The following ZNF804B variants were observed in gnomAD, a reference collection of about 807,000 sequenced individuals.
The protein encoded by ZNF804B is zinc finger 804B.
Under a neutral mutation model 101.4 loss-of-function variants are expected in ZNF804B, and 80 were observed. That is an observed-to-expected ratio of 0.79 (90% confidence interval 0.66 to 0.95). The LOEUF (loss-of-function observed/expected upper bound fraction) is 0.95. Among genes scored for constraint, ZNF804B ranks in the 40% least tolerant of loss-of-function variants. The probability of loss-of-function intolerance (pLI) is 0.00; values close to 1 mark genes in which losing one functional copy is unlikely to be tolerated. For synonymous variants in ZNF804B, 622 were observed against 558.8 expected (o/e 1.11, Z -1.59); for missense variants, 1,673 against 1,561.9 (o/e 1.07, Z -1.20).
At chr7:88,900,833 T>C (rs1451733381) in intron 1 of ZNF804B, among the ~76,000 whole-genome samples, 1 of 151,632 alleles carries the variant, frequency 6.6e-6, no homozygotes, top group South Asian at 2.1e-4. Context: ...TGTTATTGAA[T>C]TGACCCACGG....
intron 1 of ZNF804B, among the ~76,000 whole-genome samples, chr7:89,021,041 G>T (rs916651): frequency 0.72 from 109,271 of 151,962 alleles, 39,927 homozygotes; most frequent in African/African-American, 0.86. Context: ...TAATATCTGA[G>T]GCATCCCTAC....
intron 1 of ZNF804B, among the ~76,000 whole-genome samples, chr7:88,789,863 G>C (rs1261056064): frequency 6.6e-6 from 1 of 152,062 alleles, no homozygotes; most frequent in African/African-American, 2.4e-5. Flanking sequence ...AATTCTATTT[G>C]TATTAAGCAA....
chr7:89,229,093 C>G (rs908890865), intron 2 of ZNF804B, among the ~76,000 whole-genome samples: 7 of 152,336 alleles, frequency 4.6e-5, no homozygotes, highest in African/African-American at 1.7e-4. Context: ...AGACCCGGTT[C>G]CCGCCCGCGC....
At chr7:88,981,124 G>C (rs901360969) in intron 1 of ZNF804B, among the ~76,000 whole-genome samples, 2 of 152,058 alleles carry the variant, frequency 1.3e-5, no homozygotes, top group Admixed American at 6.6e-5. Flanking sequence ...CCTGAAGCCA[G>C]CATGGTGCTG....
chr7:88,997,843 A>G (rs1220614115), intron 1 of ZNF804B, among the ~76,000 whole-genome samples: 5 of 152,072 alleles, frequency 3.3e-5, no homozygotes, highest in African/African-American at 9.7e-5. Context: ...TTGAAATGCC[A>G]TTTTGCCATT....
At chr7:88,868,661 C>T (rs1195831601) in intron 1 of ZNF804B, among the ~76,000 whole-genome samples, 1 of 152,192 alleles carries the variant, frequency 6.6e-6, no homozygotes, top group Admixed American at 6.5e-5. Context: ...GGACCCAAGA[C>T]CTTTTTATTC....
rs368451338 is a variant in ZNF804B, at chr7:89,309,933, T to A, written c.250-17411T>A. On this transcript the variant is annotated intron_variant, in intron 2 of 3. Transcript: ENST00000333190. The stretch of plus-strand genomic sequence containing the variant: ...TCTCTCTCCTCACGGACAAAACACA[T>A]ATTTATTTTGAGGGATGGCCATATA... 1.9e-4 allele frequency among the ~76,000 whole-genome samples: 29 copies of A among 151,944 alleles called. 1 individual carries two copies. The South Asian group carries it at 6.1e-3, about 32-fold the overall frequency.
chr7:89,123,157 C>CT (rs61180790), intron 1 of ZNF804B, among the ~76,000 whole-genome samples: 3,145 of 147,136 alleles, frequency 0.021, 106 homozygotes, highest in African/African-American at 0.073. Context: ...CCAAGTTCAG[C>CT]TTTTTTTTTT....
At chr7:89,136,791 A>G (rs1271624320) in intron 1 of ZNF804B, among the ~76,000 whole-genome samples, 2 of 151,132 alleles carry the variant, frequency 1.3e-5, no homozygotes, top group East Asian at 3.9e-4. Flanking sequence ...TGATTTGGCT[A>G]TGTCCCCACC....
intron 2 of ZNF804B, among the ~76,000 whole-genome samples, chr7:89,313,112 T>C (rs751652908): frequency 2.0e-5 from 3 of 152,310 alleles, no homozygotes; most frequent in Non-Finnish European, 4.4e-5. Context: ...ATGTCCAGGA[T>C]TCTGCATAAA....
chr7:89,155,716 A>G (rs939046079), intron 1 of ZNF804B, among the ~76,000 whole-genome samples: 12 of 152,196 alleles, frequency 7.9e-5, no homozygotes, highest in Admixed American at 5.9e-4. Flanking sequence ...TTTTCGGAAG[A>G]TAACAAACTC....
At chr7:89,026,940 G>A (rs1014566193) in intron 1 of ZNF804B, among the ~76,000 whole-genome samples, 27 of 152,252 alleles carry the variant, frequency 1.8e-4, no homozygotes, top group African/African-American at 6.3e-4. Context: ...GATATTCTAA[G>A]AAAGTGGATA....
chr7:89,099,869 TAAC>T lies in ZNF804B; in HGVS notation c.109-118280_109-118278del, dbSNP rs144576966. ...GGTGACAGTGAGGACTGGACTGAAC[TAAC>T]AACAAGAGTGACTTCATGTTGATAC... On this transcript the variant is annotated intron_variant, in intron 1 of 3. Coordinates refer to ENST00000333190, the MANE Select transcript of ZNF804B (RefSeq NM_181646.5). Among the ~76,000 whole-genome samples, 436 of 152,252 alleles carry T rather than the reference TAAC, an allele frequency of 2.9e-3. 2 individuals are homozygous for T. Among genetic ancestry groups the T allele is most frequent in the East Asian group, 0.022 (112 of 5,176 alleles).
intron 1 of ZNF804B, among the ~76,000 whole-genome samples, chr7:88,853,842 G>T (rs1308655662): frequency 6.6e-6 from 1 of 151,966 alleles, no homozygotes; most frequent in Non-Finnish European, 1.5e-5. Flanking sequence ...AATAGATTAT[G>T]CTTACTTAAT....
rs144940066 is a variant in ZNF804B at position 88,864,161 on chromosome 7, T to C, written c.108+104077T>C. 7.0e-3 allele frequency among the ~76,000 whole-genome samples: 1,062 copies of C among 152,296 alleles called. 13 individuals carry two copies. The highest frequency in any genetic ancestry group is 0.024 in the African/African-American group (995 of 41,560). On this transcript the variant is annotated intron_variant, in intron 1 of 3. Transcript: ENST00000333190. ...CATGTGGAACATTTTCTCGTATTTG[T>C]TTGTTTTTATACCTCTCACTTCTAA...
In ZNF804B at chr7:89,327,412, A is replaced by T; in HGVS notation, c.318A>T (p.Lys106Asn). ...CTTCTAAGTCATGGAAAGATGAGAA[A>T]AAACAAGAAAAAGCACTTAAACGAC... ...NVASKSWKDE[K>N]KQEKALKRLH... The change falls in exon 3 of 4, where the codon AAA becomes AAT. Residue 106 changes from lysine (K) to asparagine (N), a missense_variant. Physicochemically the swap from Lys to Asn is moderately conservative, Grantham distance 94. Coordinates refer to ENST00000333190, the MANE Select transcript of ZNF804B (RefSeq NM_181646.5). The T allele has an allele frequency of 6.2e-7, 1 of 1,611,746 alleles. No homozygotes were observed. Among genetic ancestry groups the T allele is most frequent in the Non-Finnish European group, 8.5e-7 (1 of 1,178,660 alleles).
At chr7:89,314,968 T>G (rs2115954460) in intron 2 of ZNF804B, among the ~76,000 whole-genome samples, 2 of 152,278 alleles carry the variant, frequency 1.3e-5, no homozygotes, top group South Asian at 4.1e-4. Flanking sequence ...CATCTTGCAT[T>G]GCTATAAAGA....
chr7:89,202,593 A>G (rs953927933), intron 1 of ZNF804B, among the ~76,000 whole-genome samples: 1 of 152,160 alleles, frequency 6.6e-6, no homozygotes, highest in South Asian at 2.1e-4. Flanking sequence ...TCTACATTTT[A>G]AAGATTCCAG....
At chr7:88,801,512 T>C (rs1583945184) in intron 1 of ZNF804B, among the ~76,000 whole-genome samples, 1 of 152,114 alleles carries the variant, frequency 6.6e-6, no homozygotes. Context: ...AACTCTGCAG[T>C]TGGCAAGTGA....
Sources: gnomAD v4.1 joint callset for allele counts (sites outside exome capture counted in the v4.1 genomes callset) on GRCh38, gnomAD v4.1.1 for gene constraint, MANE v1.5 for transcripts, NCBI Gene and HGNC (gene_info 2026-07-23, HGNC 2026-07-21) for gene names.